MCF2L: variants seen among roughly 807,000 people sequenced by gnomAD.
MCF2L encodes MCF.2 cell line derived transforming sequence like.
A neutral mutation model predicts 153.4 loss-of-function variants in MCF2L; 97 were observed. The observed-to-expected ratio is 0.63, with a 90% CI of 0.54 to 0.75. MCF2L has a LOEUF of 0.75. Ranked by LOEUF, MCF2L falls within the 30% of genes least tolerant of loss-of-function variation. The probability of loss-of-function intolerance (pLI) is 0.00; values close to 1 mark genes in which losing one functional copy is unlikely to be tolerated. For missense variants in MCF2L, 1,347 were observed against 1,495.2 expected (o/e 0.90, Z 1.64); for synonymous variants, 659 against 632.2 (o/e 1.04, Z -0.64).
At chr13:112,968,485 C>A, upstream of MCF2L, 2 of 1,587,862 alleles carry the variant, frequency 1.3e-6, no homozygotes, top group East Asian at 2.3e-5. Context: ...TGGAGAGCCC[C>A]GTGCCTGCAG....
At position 113,075,200 on chromosome 13, in the gene MCF2L, C is replaced by G; in HGVS notation, c.1308+11C>G. The G allele has an allele frequency of 6.3e-7, 1 of 1,576,326 alleles. No homozygotes were observed. The highest frequency in any genetic ancestry group is 8.7e-7 in the Non-Finnish European group (1 of 1,155,548). On this transcript the variant is annotated intron_variant, in intron 11 of 29. Coordinates refer to ENST00000535094, the MANE Select transcript of MCF2L (RefSeq NM_001112732.3). ...CGCCGCCTGGAGACGGTAGGCCGAGCCGGACCCCACCCCACTCCCCCCCAG... is the reference window on the plus strand; with the variant it reads ...CGCCGCCTGGAGACGGTAGGCCGAGGCGGACCCCACCCCACTCCCCCCCAG...
At chr13:112,900,732 AT>A (rs914697239) in intron 1 of MCF2L, among the ~76,000 whole-genome samples, 5 of 151,718 alleles carry the variant, frequency 3.3e-5, no homozygotes, top group African/African-American at 4.9e-5. Context: ...TGGGTTGGCG[AT>A]GGGTATCACC....
upstream of MCF2L, chr13:112,968,963 C>T (rs988147336): frequency 7.6e-5 from 34 of 447,628 alleles, no homozygotes; most frequent in Admixed American, 1.8e-4. Context: ...GACCTAGTGA[C>T]ACAGGTGACA....
chr13:112,895,719 G>A (rs2081060761), intron 1 of MCF2L, among the ~76,000 whole-genome samples: 1 of 152,140 alleles, frequency 6.6e-6, no homozygotes, highest in African/African-American at 2.4e-5. Context: ...TAGGTGGGCA[G>A]GAGACCCGGG....
intron 2 of MCF2L, chr13:112,917,549 A>G: frequency 4.4e-6 from 1 of 225,692 alleles, no homozygotes; most frequent in Non-Finnish European, 8.9e-6. Flanking sequence ...TTCTCTGCTG[A>G]AATCCTCAGT....
At chr13:112,994,658 G>T (rs536063761) in intron 1 of MCF2L, among the ~76,000 whole-genome samples, 1 of 152,232 alleles carries the variant, frequency 6.6e-6, no homozygotes, top group Non-Finnish European at 1.5e-5. Flanking sequence ...CGGTGAGGCC[G>T]CGCGATGTCC....
At chr13:113,025,051 C>T (rs1369944308) in intron 3 of MCF2L, 3 of 144,546 alleles carry the variant, frequency 2.1e-5, no homozygotes, top group Non-Finnish European at 3.8e-5. Flanking sequence ...GTGGGGTCCC[C>T]GTGACTGTGG....
chr13:112,991,574 A>G (rs2082899941), intron 1 of MCF2L, among the ~76,000 whole-genome samples: 1 of 152,252 alleles, frequency 6.6e-6, no homozygotes, highest in Non-Finnish European at 1.5e-5. Flanking sequence ...GTTGCTAAGT[A>G]TTTCAAAAAT....
intron 2 of MCF2L, among the ~76,000 whole-genome samples, chr13:112,908,717 T>G (rs1302709891): frequency 1.6e-5 from 1 of 61,212 alleles, no homozygotes; most frequent in Non-Finnish European, 3.2e-5. Flanking sequence ...GGCTCATGTT[T>G]TTTGTTTTGT....
In MCF2L at chr13:113,045,249, C is replaced by T. The variant is rs1006766810; in HGVS notation, c.279-22C>T. The T allele has an allele frequency of 1.3e-5, 21 of 1,593,876 alleles. No homozygotes were observed. Among genetic ancestry groups the T allele is most frequent in the Middle Eastern group, 1.7e-4 (1 of 6,034 alleles). On this transcript the variant is annotated intron_variant, in intron 3 of 29. Transcript: ENST00000535094. This position sits in a 1 kb window ranked among gnomAD's most constrained non-coding sequence, Gnocchi z 4.2. ...GCTTCCCACCTGCACACATTAACGG[C>T]GGCGTCTCTTCCTCACTGCAGCCTG...
At chr13:113,055,028 T>C (rs768563096) in intron 4 of MCF2L, 1 of 152,210 alleles carries the variant, frequency 6.6e-6, no homozygotes, top group Non-Finnish European at 1.5e-5. Context: ...CCATTTATAC[T>C]TACCCCCATC....
intron 1 of MCF2L, among the ~76,000 whole-genome samples, chr13:112,901,831 G>A (rs2081122288): frequency 2.0e-5 from 3 of 152,216 alleles, no homozygotes; most frequent in Admixed American, 2.0e-4. Context: ...CCAGTTCGGC[G>A]AATTAGATAC....
chr13:113,082,607 A>G (rs1394342281), intron 17 of MCF2L, 65 bp downstream of exon 17: 1 of 1,236,336 alleles, frequency 8.1e-7, no homozygotes, highest in Non-Finnish European at 1.2e-6. Context: ...TGCTGGCTTC[A>G]GGGGGCTGGA....
At position 113,078,721 on chromosome 13, in the gene MCF2L, G is replaced by C. The variant is rs1404793405; in HGVS notation, c.1790G>C (p.Ser597Thr). ...GGCTCAGCGGGGGAGGAGGAGGAAA[G>C]CCTGGCCATCCTGCGCAGGTGGGTG... is the stretch of plus-strand genomic sequence containing the variant. ...GRGSAGEEEE[S>T]LAILRRHVMS... The change falls in exon 15 of 30, where the codon AGC (serine) becomes ACC (threonine). Residue 597 changes from serine (S) to threonine (T), a missense_variant. By Grantham distance (58) the Ser-to-Thr change is moderately conservative. This residue lies in a region of MCF2L where 820 missense variants were observed against 921.2 expected (regional missense o/e 0.89). Coordinates refer to ENST00000535094, the MANE Select transcript of MCF2L (RefSeq NM_001112732.3). 3.1e-6 allele frequency: 5 copies of C among 1,606,398 alleles called. No individual in the cohort carries two copies. The highest frequency in any genetic ancestry group is 4.2e-6 in the Non-Finnish European group (5 of 1,178,914).
intron 3 of MCF2L, among the ~76,000 whole-genome samples, chr13:113,036,513 G>A (rs1174446007): frequency 6.6e-6 from 1 of 152,222 alleles, no homozygotes; most frequent in Admixed American, 6.5e-5. Flanking sequence ...GGAGAATAAA[G>A]CAGGCCAGGG....
At chr13:112,998,055 G>A (rs9549627) in intron 1 of MCF2L, among the ~76,000 whole-genome samples, 15,189 of 152,260 alleles carry the variant, frequency 0.1, 1,009 homozygotes, top group East Asian at 0.23. Context: ...TGAGGGCCCC[G>A]GGGTCCACTG....
chr13:112,897,625 G>A (rs988547816), intron 1 of MCF2L, among the ~76,000 whole-genome samples: 33 of 152,370 alleles, frequency 2.2e-4, no homozygotes, highest in African/African-American at 7.9e-4. Context: ...ATGATGTAAG[G>A]AAATCAAAGC....
chr13:113,090,485 G>A (rs2035102919), intron 26 of MCF2L: 1 of 983,962 alleles, frequency 1.0e-6, no homozygotes, highest in African/African-American at 1.8e-5. Context: ...TTCCCTGCAG[G>A]GTGCTGACCT....
chr13:113,096,505 C>T, intron 28 of MCF2L, 22 bp downstream of exon 28: 1 of 1,581,376 alleles, frequency 6.3e-7, no homozygotes, highest in Non-Finnish European at 8.6e-7. Context: ...CGCTCAGCCC[C>T]GGACTGCCCC....
Sources: gnomAD v4.1 joint callset for allele counts (sites outside exome capture counted in the v4.1 genomes callset) on GRCh38, gnomAD v4.1.1 for gene constraint, gnomAD v4.1.1 regional missense constraint, Gnocchi (gnomAD v3.1) non-coding constraint, MANE v1.5 for transcripts, NCBI Gene and HGNC (gene_info 2026-07-23, HGNC 2026-07-21) for gene names.